Variants in CPLX1 observed in about 807,000 individuals in gnomAD.
The protein encoded by CPLX1 is complexin 1, also known as complexin-1.
In CPLX1, 6 loss-of-function variants were observed where a neutral mutation model predicts 15.6. The ratio of observed to expected loss-of-function variants is 0.39; its 90% confidence interval spans 0.21 to 0.76. The LOEUF (loss-of-function observed/expected upper bound fraction) is 0.76, where lower values mean the gene tolerates loss of function less well. Ranked by LOEUF, CPLX1 falls within the 30% of genes least tolerant of loss-of-function variation. The pLI, the probability that CPLX1 is intolerant of heterozygous loss-of-function variation, is 0.43. For missense variants in CPLX1, 242 were observed against 188.6 expected, an observed-to-expected ratio of 1.28 and a Z score of -1.66; for synonymous variants, 91 against 75.2, an observed-to-expected ratio of 1.21 and a Z score of -1.08.
intron 2 of CPLX1, among the ~76,000 whole-genome samples, chr4:794,775 C>G (rs1335408341): frequency 4.6e-5 from 7 of 152,246 alleles, no homozygotes; most frequent in Non-Finnish European, 1.0e-4. Flanking sequence ...ACATTGCTCT[C>G]CTGATGGAAG....
rs550311530 is a variant in CPLX1, at chr4:816,374, A to G, written c.31+8118T>C. On this transcript the variant is annotated intron_variant, in intron 2 of 3. Transcript: ENST00000304062. ...GCTGGGATTACAGGCGCCCACCACC[A>G]CACCCGGCTAACTTTTGTGTTTTTA... is the stretch of plus-strand genomic sequence containing the variant. 2.0e-5 allele frequency among the ~76,000 whole-genome samples: 3 copies of G among 151,728 alleles called. No homozygotes were observed. In the South Asian group the frequency reaches 6.3e-4, roughly 32 times the overall value.
chr4:794,787 GGTT>G (rs1746284655), intron 2 of CPLX1, among the ~76,000 whole-genome samples: 4 of 152,252 alleles, frequency 2.6e-5, no homozygotes, highest in African/African-American at 9.6e-5. Context: ...TGATGGAAGG[GGTT>G]CCTGGCAGGG....
intron 2 of CPLX1, among the ~76,000 whole-genome samples, chr4:795,312 C>T (rs1425289096): frequency 6.6e-6 from 1 of 152,258 alleles, no homozygotes; most frequent in African/African-American, 2.4e-5. Flanking sequence ...GCAGAACGGG[C>T]GGCCCCGAGC....
At chr4:804,776 G>A in intron 2 of CPLX1, 2 of 985,460 alleles carry the variant, frequency 2.0e-6, no homozygotes, top group Non-Finnish European at 2.4e-6. Flanking sequence ...CTCGGGAAGT[G>A]CCTGCAGAGT....
intron 2 of CPLX1, among the ~76,000 whole-genome samples, chr4:821,968 C>T (rs377237671): frequency 3.3e-5 from 5 of 152,210 alleles, no homozygotes; most frequent in East Asian, 1.9e-4. Context: ...CTCACCTCTT[C>T]CTCCTCTCTG....
chr4:814,003 A>C (rs998822260), intron 2 of CPLX1, among the ~76,000 whole-genome samples: 3 of 152,100 alleles, frequency 2.0e-5, no homozygotes, highest in Non-Finnish European at 4.4e-5. Flanking sequence ...CACAGCAAAG[A>C]CCACTGCCTG....
chr4:789,282 A>C (rs1331929849), intron 3 of CPLX1, among the ~76,000 whole-genome samples: 3 of 152,144 alleles, frequency 2.0e-5, no homozygotes. Flanking sequence ...GATGCTGGGC[A>C]GCAGCTCTCC....
chr4:817,385 C>G (rs1357443183), intron 2 of CPLX1, among the ~76,000 whole-genome samples: 1 of 149,746 alleles, frequency 6.7e-6, no homozygotes, highest in Non-Finnish European at 1.5e-5. Flanking sequence ...GAAACCCCGT[C>G]TCTACTAAAA....
chr4:792,970 C>G (rs1191924860), intron 2 of CPLX1, among the ~76,000 whole-genome samples: 1 of 152,100 alleles, frequency 6.6e-6, no homozygotes, highest in African/African-American at 2.4e-5. Context: ...GTGTGCACCA[C>G]GTGGTCGTAC....
chr4:810,955 C>T (rs1232734138), intron 2 of CPLX1, among the ~76,000 whole-genome samples: 1 of 152,066 alleles, frequency 6.6e-6, no homozygotes, highest in Non-Finnish European at 1.5e-5. Flanking sequence ...CCTCAGCCTC[C>T]CAAAGTGCTG....
intron 2 of CPLX1, among the ~76,000 whole-genome samples, chr4:820,227 CG>C (rs1746836175): frequency 6.6e-6 from 1 of 151,700 alleles, no homozygotes; most frequent in Non-Finnish European, 1.5e-5. Context: ...GCAGCTCCAC[CG>C]TCCTCCCGGA....
At chr4:792,697 G>T in intron 2 of CPLX1, 89 bp from the exon 3 acceptor site, 4 of 1,425,310 alleles carry the variant, frequency 2.8e-6, no homozygotes, top group Non-Finnish European at 3.8e-6. Context: ...CCTTCTGGCC[G>T]ACCCCCCAAA....
chr4:800,164 G>C (rs2152645029), intron 2 of CPLX1, among the ~76,000 whole-genome samples: 2 of 152,262 alleles, frequency 1.3e-5, no homozygotes, highest in South Asian at 4.1e-4. Context: ...TGCTTGGTGG[G>C]TGGGGAAAAC....
chr4:825,005 G>A (rs1304782044), intron 1 of CPLX1, among the ~76,000 whole-genome samples: 1 of 152,214 alleles, frequency 6.6e-6, no homozygotes, highest in Non-Finnish European at 1.5e-5. Flanking sequence ...AGGGTTGGGG[G>A]TGGGTCTTTG....
At chr4:801,451 C>T (rs1420383657) in intron 2 of CPLX1, among the ~76,000 whole-genome samples, 1 of 152,166 alleles carries the variant, frequency 6.6e-6, no homozygotes, top group Non-Finnish European at 1.5e-5. Context: ...CAGATGGCAA[C>T]TAAGTATAGT....
Position 786,333 on chromosome 4 carries a change from C to G in CPLX1, c.*168G>C, listed in dbSNP as rs986414638. 1.7e-5 allele frequency: 10 copies of G among 598,124 alleles called. No individual in the cohort carries two copies. Among genetic ancestry groups the G allele is most frequent in the African/African-American group, 5.9e-5 (3 of 50,502 alleles). The allele number at this position is 598,124 out of a possible 1,614,324, so 37.1% of individuals were successfully genotyped here. On this transcript the variant is annotated 3_prime_UTR_variant, in exon 4 of 4. Transcript: ENST00000304062. Reference sequence around the variant, plus strand: ...GGGCGGACTGGGGGGGTCCTGGGGGCGCGCGCCCCTTGCCGGGTGAGGGAG... The same window carrying G: ...GGGCGGACTGGGGGGGTCCTGGGGGGGCGCGCCCCTTGCCGGGTGAGGGAG...
intron 1 of CPLX1, among the ~76,000 whole-genome samples, 173 bp downstream of exon 1, chr4:825,873 G>C (rs962765686): frequency 7.9e-6 from 1 of 126,372 alleles, no homozygotes; most frequent in Non-Finnish European, 1.7e-5. Context: ...GCGGAGGCCG[G>C]GGGGAGGAGC....
intron 2 of CPLX1, among the ~76,000 whole-genome samples, chr4:823,357 G>A (rs1367685398): frequency 2.0e-5 from 3 of 152,132 alleles, no homozygotes; most frequent in African/African-American, 4.8e-5. Flanking sequence ...GCCACCCTCC[G>A]GGAGACAGCC....
Position 814,999 on chromosome 4 carries a change from C to T in CPLX1, c.31+9493G>A, listed in dbSNP as rs781703904. 3.3e-5 allele frequency among the ~76,000 whole-genome samples: 5 copies of T among 152,146 alleles called. No homozygotes were observed. The South Asian group carries it at 1.0e-3, about 32-fold the overall frequency. ...GGGCTCCCAAAACAGAGCTCAGAGA[C>T]AACACAGAGAACAGAGGAAAACTTG... is the stretch of plus-strand genomic sequence containing the variant. On this transcript the variant is annotated intron_variant, in intron 2 of 3. Transcript: ENST00000304062.
Sources: gnomAD v4.1 joint callset for allele counts (sites outside exome capture counted in the v4.1 genomes callset) on GRCh38, gnomAD v4.1.1 for gene constraint, MANE v1.5 for transcripts, NCBI Gene and HGNC (gene_info 2026-07-23, HGNC 2026-07-21) for gene names.